Variants in MCM2 observed in about 807,000 individuals in gnomAD.
The protein encoded by MCM2 is DNA replication licensing factor MCM2.
A neutral mutation model predicts 86.4 loss-of-function variants in MCM2; 49 were observed. The observed-to-expected ratio is 0.57, with a 90% CI of 0.45 to 0.72. MCM2 has a LOEUF of 0.72. Ranked by LOEUF, MCM2 falls within the 30% of genes least tolerant of loss-of-function variation. The pLI is 0.00. For synonymous variants in MCM2, 475 were observed against 484.6 expected, an observed-to-expected ratio of 0.98 and a Z score of 0.26; for missense variants, 1,038 against 1,259.9, an observed-to-expected ratio of 0.82 and a Z score of 2.67.
intron 4 of MCM2, among the ~76,000 whole-genome samples, chr3:127,605,566 G>A (rs974592573): frequency 1.3e-5 from 2 of 149,232 alleles, no homozygotes; most frequent in Non-Finnish European, 3.0e-5. Context: ...TCAGCCTCCC[G>A]AGTAGCTGGA....
In MCM2 at chr3:127,606,203, G is replaced by A. The variant is rs35749886; in HGVS notation, c.759G>A (p.Ala253=). Residue 253 remains alanine, a synonymous_variant, in exon 5 of 16, where the codon GCG becomes GCA. Transcript: ENST00000265056. The surrounding 1 kb of genome is among the most constrained non-coding windows in gnomAD (Gnocchi z 4.2). Reference sequence around the variant, plus strand: ...CCTACTTCCTGCCTGAGGCACCGGCGGAGCTGCTGCAGATCTTTGATGAGG... The same window carrying A: ...CCTACTTCCTGCCTGAGGCACCGGCAGAGCTGCTGCAGATCTTTGATGAGG... The part of the protein sequence containing the change: ...VLAYFLPEAP[A]ELLQIFDEAA... 2.9e-3 allele frequency: 4,605 copies of A among 1,614,222 alleles called. 20 individuals carry two copies. The highest frequency in any genetic ancestry group is 8.1e-3 in the South Asian group (742 of 91,080).
chr3:127,616,589 GCAGTT>G lies in MCM2; in HGVS notation c.1523-278_1523-274del, dbSNP rs1427811097. 3.3e-5 allele frequency among the ~76,000 whole-genome samples: 5 copies of G among 152,172 alleles called. No homozygotes were observed. In the East Asian group the frequency reaches 9.6e-4, roughly 29 times the overall value. On this transcript the variant is annotated intron_variant, in intron 9 of 15. Coordinates refer to ENST00000265056, the MANE Select transcript of MCM2 (RefSeq NM_004526.4). ...AATGACTATCATGCCACCAGATAAC[GCAGTT>G]TATTTAGCTCTCCCTTTGGAGAACA...
chr3:127,604,760 G>A lies in MCM2; in HGVS notation c.389G>A (p.Arg130His), dbSNP rs775995747. 1.0e-5 allele frequency: 16 copies of A among 1,599,530 alleles called. No individual in the cohort carries two copies. Among genetic ancestry groups the A allele is most frequent in the South Asian group, 8.9e-5 (8 of 89,906 alleles). The change falls in exon 3 of 16, where the codon CGC becomes CAC. Residue 130 changes from arginine to histidine, a missense_variant. Coordinates refer to ENST00000265056, the MANE Select transcript of MCM2 (RefSeq NM_004526.4). ...RDREAGRGLG[R>H]MRRGLLYDSD... ...CGGGAGGCTGGCCGGGGCCTGGGCC[G>A]CATGCGCCGTGGGCTCCTGTATGGT...
At chr3:127,614,159 T>C (rs1261400900) in intron 8 of MCM2, among the ~76,000 whole-genome samples, 2 of 152,230 alleles carry the variant, frequency 1.3e-5, no homozygotes, top group African/African-American at 4.8e-5. Flanking sequence ...CAATCGAGTG[T>C]TCTTAATACA....
intron 1 of MCM2, 75 bp from the exon 2 acceptor site, chr3:127,599,243 C>T (rs1015612285): frequency 8.1e-7 from 1 of 1,237,204 alleles, no homozygotes; most frequent in African/African-American, 1.5e-5. Flanking sequence ...AGGGAAGGCC[C>T]CTGATGGTAA....
At chr3:127,615,553 C>G (rs2074426378) in intron 8 of MCM2, among the ~76,000 whole-genome samples, 1 of 152,148 alleles carries the variant, frequency 6.6e-6, no homozygotes, top group Non-Finnish European at 1.5e-5. Flanking sequence ...CATGACAGAC[C>G]TGGTTCTGGT....
rs77999063 is a variant in MCM2, at chr3:127,602,860, C to T, written c.237-1748C>T. 2.9e-3 allele frequency among the ~76,000 whole-genome samples: 442 copies of T among 152,326 alleles called. 2 individuals are homozygous for T. The highest frequency in any genetic ancestry group is 9.8e-3 in the African/African-American group (408 of 41,566). On this transcript the variant is annotated intron_variant, in intron 2 of 15. Transcript: ENST00000265056. ...GGAAAGTACAGGGAGAATTCCAGCCCTCACGGGGAGTTGGGTCAGCTCTCT... is the reference window on the plus strand; with the variant it reads ...GGAAAGTACAGGGAGAATTCCAGCCTTCACGGGGAGTTGGGTCAGCTCTCT...
At chr3:127,603,912 G>A (rs1278584288) in intron 2 of MCM2, among the ~76,000 whole-genome samples, 7 of 151,752 alleles carry the variant, frequency 4.6e-5, no homozygotes, top group Non-Finnish European at 1.0e-4. Context: ...CATCCGCCTT[G>A]GCCTCCCAAA....
chr3:127,618,166 A>G lies in MCM2; in HGVS notation c.2013+85A>G, dbSNP rs886803223. 1.2e-4 allele frequency: 124 copies of G among 1,048,092 alleles called. No individual in the cohort carries two copies. The highest frequency in any genetic ancestry group is 1.6e-4 in the Non-Finnish European group (109 of 682,220). 64.9% of individuals were successfully genotyped at this position (1,048,092 alleles called of 1,614,324 possible). A position where few individuals can be genotyped will look rare whatever the true frequency, so the allele number is the denominator to read the frequency against. On this transcript the variant is annotated intron_variant, in intron 12 of 15. Transcript: ENST00000265056. This position sits in a 1 kb window ranked among gnomAD's most constrained non-coding sequence, Gnocchi z 4.0. Reference sequence around the variant, plus strand: ...TGGGGTCATACAGTGTGCCCAACACAGGGGACAGGTGCTGCAGGGGCCATA... The same window carrying G: ...TGGGGTCATACAGTGTGCCCAACACGGGGGACAGGTGCTGCAGGGGCCATA...
In MCM2 at chr3:127,599,441, C is replaced by T. The variant is rs375851208; in HGVS notation, c.130C>T (p.Arg44Cys). 5.6e-6 allele frequency: 9 copies of T among 1,614,082 alleles called. No individual in the cohort carries two copies. In the East Asian group the frequency reaches 8.9e-5, roughly 16 times the overall value. Reference protein sequence around the residue: ...RTDALTSSPGRDLPPFEDESE... With the variant: ...RTDALTSSPGCDLPPFEDESE... ...TGATGCCCTCACCTCCAGCCCTGGC[C>T]GTGACCTTCCACCATTTGAGGATGA... The change falls in exon 2 of 16, where the codon CGT becomes TGT. Residue 44 changes from arginine (R) to cysteine (C), a missense_variant. Arg to Cys is a radical substitution (Grantham distance 180). This residue lies in a region of MCM2 where 300 missense variants were observed against 307.4 expected (regional missense o/e 0.98). Coordinates refer to ENST00000265056, the MANE Select transcript of MCM2 (RefSeq NM_004526.4).
chr3:127,599,107 T>G, intron 1 of MCM2: 1 of 596,506 alleles, frequency 1.7e-6, no homozygotes, highest in Non-Finnish European at 3.0e-6. Flanking sequence ...TCTATTTGTT[T>G]GGAAGCCACT....
At position 127,617,517 on chromosome 3, in the gene MCM2, C is replaced by A; in HGVS notation, c.1900+112C>A. 7.4e-7 allele frequency: 1 copy of A among 1,343,192 alleles called. No individual in the cohort carries two copies. Among genetic ancestry groups the A allele is most frequent in the Non-Finnish European group, 1.0e-6 (1 of 1,003,636 alleles). The allele number at this position is 1,343,192 out of a possible 1,614,324, so 83.2% of individuals were successfully genotyped here. On this transcript the variant is annotated intron_variant, in intron 11 of 15. Coordinates refer to ENST00000265056, the MANE Select transcript of MCM2 (RefSeq NM_004526.4). This position sits in a 1 kb window ranked among gnomAD's most constrained non-coding sequence, Gnocchi z 4.1. The stretch of plus-strand genomic sequence containing the variant: ...GAGCCGATCTGAGGAAGTCATTGTG[C>A]AGCAGAGGGTTCCCCTCTTCTGCAT...
At position 127,620,793 on chromosome 3, in the gene MCM2, C is replaced by T. The variant is rs564548927; in HGVS notation, c.2361C>T (p.Ile787=). 6.2e-6 allele frequency: 10 copies of T among 1,614,124 alleles called. No individual in the cohort carries two copies. Among genetic ancestry groups the T allele is most frequent in the South Asian group, 2.2e-5 (2 of 91,064 alleles). ...HARIHLRDYV[I]EDDVNMAIRV... ...GCATCCATCTGCGGGACTATGTGAT[C>T]GAAGACGACGTCAACATGGCCATCC... Residue 787 remains isoleucine (I), a synonymous_variant, in exon 14 of 16, where the codon ATC becomes ATT. Transcript: ENST00000265056.
intron 6 of MCM2, among the ~76,000 whole-genome samples, chr3:127,608,105 A>G (rs888545263): frequency 6.6e-6 from 1 of 152,236 alleles, no homozygotes; most frequent in African/African-American, 2.4e-5. Flanking sequence ...GAACCCAGGC[A>G]GCCTGGTTCC....
Position 127,606,317 on chromosome 3 carries a change from G to A in MCM2, c.873G>A (p.Val291=). 1 of 1,614,262 alleles carries A rather than the reference G, an allele frequency of 6.2e-7. No homozygotes were observed. Among genetic ancestry groups the A allele is most frequent in the African/African-American group, 1.3e-5 (1 of 75,072 alleles). ...TCCGCATCTCCCACCTGCCTCTGGT[G>A]GAGGAGCTGCGCTCGCTGAGGTGAG... ...IHVRISHLPL[V]EELRSLRQLH... Residue 291 remains valine, a synonymous_variant, in exon 5 of 16, where the codon GTG becomes GTA. Transcript: ENST00000265056. The surrounding 1 kb of genome is among the most constrained non-coding windows in gnomAD (Gnocchi z 4.2).
At chr3:127,599,241 C>A in intron 1 of MCM2, 77 bp from the exon 2 acceptor site, 1 of 1,180,866 alleles carries the variant, frequency 8.5e-7, no homozygotes, top group South Asian at 1.3e-5. Flanking sequence ...GAAGGGAAGG[C>A]CCCTGATGGT....
chr3:127,611,026 T>A (rs1032554080), intron 8 of MCM2: 2 of 449,882 alleles, frequency 4.4e-6, no homozygotes, highest in African/African-American at 4.0e-5. Context: ...AGAGCTCATA[T>A]TTTACTAGGG....
intron 2 of MCM2, among the ~76,000 whole-genome samples, chr3:127,600,722 G>T (rs1427484734): frequency 1.3e-5 from 2 of 151,932 alleles, no homozygotes; most frequent in East Asian, 3.9e-4. Flanking sequence ...AGTTGTTCAG[G>T]CCGGATGCCC....
chr3:127,612,069 A>T (rs1321552104), intron 8 of MCM2, among the ~76,000 whole-genome samples: 1 of 152,224 alleles, frequency 6.6e-6, no homozygotes, highest in African/African-American at 2.4e-5. Context: ...GAGACTTCAC[A>T]TAGAAATCCG....
Sources: gnomAD v4.1 joint callset for allele counts (sites outside exome capture counted in the v4.1 genomes callset) on GRCh38, gnomAD v4.1.1 for gene constraint, gnomAD v4.1.1 regional missense constraint, Gnocchi (gnomAD v3.1) non-coding constraint, MANE v1.5 for transcripts, NCBI Gene and HGNC (gene_info 2026-07-23, HGNC 2026-07-21) for gene names.